PHC3: variants seen among roughly 807,000 people sequenced by gnomAD.
PHC3 encodes the protein polyhomeotic-like protein 3.
A neutral mutation model predicts 107.4 loss-of-function variants in PHC3; 13 were observed. The observed-to-expected ratio is 0.12, with a 90% CI of 0.08 to 0.19. The LOEUF is 0.19. Among genes scored for constraint, PHC3 ranks in the 10% least tolerant of loss-of-function variants. PHC3 has a pLI of 1.00. For synonymous variants in PHC3, 456 were observed against 427.4 expected (o/e 1.07, Z -0.83); for missense variants, 992 against 1,210.9 (o/e 0.82, Z 2.68).
At chr3:170,136,222 A>G in intron 7 of PHC3, 197 bp downstream of exon 7, 1 of 592,932 alleles carries the variant, frequency 1.7e-6, no homozygotes, top group South Asian at 2.3e-5. Flanking sequence ...AAAACCTATT[A>G]TATTGTTACA....
At chr3:170,174,734 T>C (rs527599106) in intron 2 of PHC3, among the ~76,000 whole-genome samples, 3 of 152,278 alleles carry the variant, frequency 2.0e-5, no homozygotes, top group African/African-American at 7.2e-5. Context: ...ATATCTCACC[T>C]CTCCAACTAT....
chr3:170,126,526 A>ATTT (rs1228512093), intron 8 of PHC3, among the ~76,000 whole-genome samples: 2,403 of 83,664 alleles, frequency 0.029, 26 homozygotes, highest in Non-Finnish European at 0.042. Flanking sequence ...ATATATATAT[A>ATTT]TATTTTTTTT....
At chr3:170,154,138 C>A (rs1350242076) in intron 4 of PHC3, among the ~76,000 whole-genome samples, 2 of 152,110 alleles carry the variant, frequency 1.3e-5, no homozygotes, top group Non-Finnish European at 2.9e-5. Flanking sequence ...ATAATAATTT[C>A]TTTAAGGGTG....
chr3:170,093,085 AG>A lies in PHC3; in HGVS notation c.*4144del, dbSNP rs1453260216. 2 of 152,132 alleles carry A rather than the reference AG, an allele frequency of 1.3e-5. No homozygotes were observed. Among genetic ancestry groups the A allele is most frequent in the African/African-American group, 4.8e-5 (2 of 41,386 alleles). The allele number at this position is 152,132 out of a possible 1,614,324, so 9.4% of individuals were successfully genotyped here. On this transcript the variant is annotated 3_prime_UTR_variant, in exon 15 of 15. Coordinates refer to ENST00000495893, the MANE Select transcript of PHC3 (RefSeq NM_024947.4). ...AGAAAACCTTCCTTAGGGCCCAGCTAGTTACATATGTAGTACACAAGATAGA... is the reference window on the plus strand; with the variant it reads ...AGAAAACCTTCCTTAGGGCCCAGCTATTACATATGTAGTACACAAGATAGA...
chr3:170,089,043 A>G lies in PHC3; in HGVS notation c.*8187T>C, dbSNP rs1237925131. 2.0e-5 allele frequency: 3 copies of G among 152,142 alleles called. No homozygotes were observed. The highest frequency in any genetic ancestry group is 7.2e-5 in the African/African-American group (3 of 41,412). The allele number at this position is 152,142 out of a possible 1,614,324, so 9.4% of individuals were successfully genotyped here. On this transcript the variant is annotated 3_prime_UTR_variant, in exon 15 of 15. Coordinates refer to ENST00000495893, the MANE Select transcript of PHC3 (RefSeq NM_024947.4). ...CTGGCCAGGCATAGTGGTGCATGCC[A>G]GTAATCCCAGCTACTTGGGAGGCCA...
chr3:170,161,992 T>C (rs1167571869), intron 4 of PHC3, among the ~76,000 whole-genome samples: 1 of 152,214 alleles, frequency 6.6e-6, no homozygotes, highest in Non-Finnish European at 1.5e-5. Context: ...TTTCCTGAAC[T>C]TTCTCTTTGA....
chr3:170,129,089 C>G lies in PHC3; in HGVS notation c.1383G>C (p.Gln461His). The change falls in exon 8 of 15, where the codon CAG (glutamine) becomes CAC (histidine). Residue 461 changes from glutamine (Q) to histidine (H), a missense_variant. Gln to His is a conservative substitution (Grantham distance 24, BLOSUM62 0). This residue lies in a region of PHC3 where 543 missense variants were observed against 590.8 expected (regional missense o/e 0.92). Coordinates refer to ENST00000495893, the MANE Select transcript of PHC3 (RefSeq NM_024947.4). The part of the protein sequence containing the change: ...STANQVQATA[Q>H]LNLPSHLPLP... ...GTGGAAGATGGGATGGAAGATTCAA[C>G]TGTGCTGTAGCTTGCACCTGATTAG... 1 of 1,612,032 alleles carries G rather than the reference C, an allele frequency of 6.2e-7. No individual in the cohort carries two copies. The highest frequency in any genetic ancestry group is 8.5e-7 in the Non-Finnish European group (1 of 1,178,990).
At chr3:170,100,561 A>C (rs1487110822) in intron 14 of PHC3, among the ~76,000 whole-genome samples, 1 of 152,220 alleles carries the variant, frequency 6.6e-6, no homozygotes, top group East Asian at 1.9e-4. Context: ...ATTCTAAATT[A>C]TATAATAGCT....
chr3:170,178,683 G>T, intron 2 of PHC3, 90 bp downstream of exon 2: 2 of 1,381,224 alleles, frequency 1.4e-6, no homozygotes, highest in South Asian at 1.2e-5. Flanking sequence ...CTGTACATTT[G>T]AGAATATGAA....
rs745894055 is a variant in PHC3, at chr3:170,178,883, CAGA to C, written c.67_69del (p.Ser23del). On this transcript the variant is annotated inframe_deletion, in exon 2 of 15. Coordinates refer to ENST00000495893, the MANE Select transcript of PHC3 (RefSeq NM_024947.4). Reference sequence around the variant, plus strand: ...GTGGTACTGCTGGTTGTTGTTGACACAGAAGATGTTCCCGGGTTTGGTTCAGTA... The same window carrying C: ...GTGGTACTGCTGGTTGTTGTTGACACAGATGTTCCCGGGTTTGGTTCAGTA... 9 of 1,613,890 alleles carry C rather than the reference CAGA, an allele frequency of 5.6e-6. No individual in the cohort carries two copies. Among genetic ancestry groups the C allele is most frequent in the Non-Finnish European group, 7.6e-6 (9 of 1,179,838 alleles).
At chr3:170,181,323 G>A (rs954772971) in intron 1 of PHC3, among the ~76,000 whole-genome samples, 20 of 152,126 alleles carry the variant, frequency 1.3e-4, no homozygotes, top group Non-Finnish European at 2.9e-4. Context: ...AGCCTCCGCG[G>A]GCCCCTGCGC....
rs201569219 is a variant in PHC3 at position 170,113,371 on chromosome 3, A to G, written c.2342T>C (p.Met781Thr). The change falls in exon 11 of 15, where the codon ATG (methionine) becomes ACG (threonine). Residue 781 changes from methionine (M) to threonine (T), a missense_variant. Around this residue, in one of 6 missense-constraint regions of PHC3, gnomAD observed 228 missense variants for 288.8 expected, o/e 0.79. Transcript: ENST00000495893. Reference protein sequence around the residue: ...DNSSDTEMEDMIAEETLEEMD... With the variant: ...DNSSDTEMEDTIAEETLEEMD... ...TGAAACCCACAAACCTTCAGCAATC[A>G]TGTCTTCCATCTCTGTGTCAGATGA... 2 of 1,606,548 alleles carry G rather than the reference A, an allele frequency of 1.2e-6. No homozygotes were observed. The highest frequency in any genetic ancestry group is 2.7e-5 in the African/African-American group (2 of 74,764).
intron 4 of PHC3, among the ~76,000 whole-genome samples, chr3:170,150,247 G>T (rs138617013): frequency 0.012 from 1,851 of 152,102 alleles, 40 homozygotes; most frequent in African/African-American, 0.042. Context: ...CATATATAAA[G>T]ACATACATGT....
At chr3:170,171,254 G>T in intron 4 of PHC3, 119 bp downstream of exon 4, 1 of 673,224 alleles carries the variant, frequency 1.5e-6, no homozygotes, top group Non-Finnish European at 2.5e-6. Flanking sequence ...CTGGGCAATT[G>T]TTACTTTAAA....
chr3:170,172,685 G>A lies in PHC3; in HGVS notation c.208C>T (p.Pro70Ser), dbSNP rs758942588. ...QVIQQALHRP[P>S]SSAAQYLQQM... The stretch of plus-strand genomic sequence containing the variant: ...TGAAGGTACTGAGCAGCTGAGCTGG[G>A]GGGCCGATGCAATGCCTGTTGAATT... Residue 70 changes from proline to serine, a missense_variant, in exon 3 of 15, where the codon CCC becomes TCC. Around this residue, in one of 6 missense-constraint regions of PHC3, gnomAD observed 161 missense variants for 183.7 expected, o/e 0.88. Transcript: ENST00000495893. The A allele has an allele frequency of 6.8e-6, 11 of 1,609,986 alleles. No individual in the cohort carries two copies. Among genetic ancestry groups the A allele is most frequent in the South Asian group, 1.1e-5 (1 of 90,892 alleles).
intron 7 of PHC3, among the ~76,000 whole-genome samples, chr3:170,133,155 T>A (rs1722529069): frequency 6.6e-6 from 1 of 152,036 alleles, no homozygotes; most frequent in South Asian, 2.1e-4. Context: ...ATTGAGAATA[T>A]CTCAAAATAT....
intron 7 of PHC3, among the ~76,000 whole-genome samples, chr3:170,133,968 A>G (rs995257695): frequency 6.6e-6 from 1 of 152,052 alleles, no homozygotes. Flanking sequence ...TAATTTATCA[A>G]AACTGCAGGA....
intron 2 of PHC3, among the ~76,000 whole-genome samples, chr3:170,175,566 G>A (rs1474737244): frequency 1.3e-5 from 2 of 151,450 alleles, no homozygotes; most frequent in Non-Finnish European, 2.9e-5. Context: ...AGCCCAGGGG[G>A]TCGTGAGTTG....
At chr3:170,163,153 C>T (rs936800289) in intron 4 of PHC3, among the ~76,000 whole-genome samples, 6 of 151,672 alleles carry the variant, frequency 4.0e-5, no homozygotes, top group Non-Finnish European at 5.9e-5. Flanking sequence ...ATTAAACGCT[C>T]GATAAATATT....
Sources: allele counts gnomAD v4.1 joint callset (sites outside exome capture counted in the v4.1 genomes callset), GRCh38; gene constraint gnomAD v4.1.1; regional missense constraint gnomAD v4.1.1; transcripts MANE v1.5; gene names NCBI Gene and HGNC (gene_info 2026-07-23, HGNC 2026-07-21).